Variants in FBXO45 observed in about 807,000 individuals in gnomAD.
FBXO45 encodes F-box protein 45, also known as F-box/SPRY domain-containing protein 1.
FBXO45 carries 3 observed loss-of-function variants against 25.5 expected under a neutral mutation model. The ratio of observed to expected loss-of-function variants is 0.12; its 90% CI spans 0.05 to 0.30. The LOEUF (loss-of-function observed/expected upper bound fraction) is 0.30, where lower values mean the gene tolerates loss of function less well. Among genes scored for constraint, FBXO45 ranks in the 10% least tolerant of loss-of-function variants. The pLI is 1.00. For synonymous variants in FBXO45, 155 were observed against 149.8 expected (o/e 1.03, Z -0.25); for missense variants, 219 against 365.0 (o/e 0.60, Z 3.26).
rs578256903 is a variant in FBXO45 at position 196,586,614 on chromosome 3, C to A, written c.*2296C>A. On this transcript the variant is annotated 3_prime_UTR_variant, in exon 3 of 3. Transcript: ENST00000311630. ...GCTCAAGGAGATGGAATATCTTTGT[C>A]ATTGGTGCTGAGGAGAGCATTTCGG... 3.3e-5 allele frequency: 5 copies of A among 152,180 alleles called. No individual in the cohort carries two copies. The highest frequency in any genetic ancestry group is 5.9e-5 in the Non-Finnish European group (4 of 68,042). The allele number at this position is 152,180 out of a possible 1,614,324, so 9.4% of individuals were successfully genotyped here.
chr3:196,576,385 T>A (rs1288347945), intron 1 of FBXO45, among the ~76,000 whole-genome samples: 1 of 152,118 alleles, frequency 6.6e-6, no homozygotes, highest in African/African-American at 2.4e-5. Flanking sequence ...AGGGATTTTT[T>A]AAAAACATAC....
intron 2 of FBXO45, among the ~76,000 whole-genome samples, chr3:196,581,486 C>T (rs2108728764): frequency 6.6e-6 from 1 of 152,140 alleles, no homozygotes; most frequent in East Asian, 1.9e-4. Flanking sequence ...GCCTCGGCCT[C>T]CCAAAGTGAA....
chr3:196,571,413 A>G (rs531663258), intron 1 of FBXO45, among the ~76,000 whole-genome samples: 5 of 151,944 alleles, frequency 3.3e-5, no homozygotes, highest in Non-Finnish European at 7.4e-5. Flanking sequence ...TTTTAGAGAC[A>G]CGGGGTCTCA....
Position 196,569,861 on chromosome 3 carries a change from C to A in FBXO45, c.318+559C>A, listed in dbSNP as rs1286869789. On this transcript the variant is annotated intron_variant, in intron 1 of 2. Coordinates refer to ENST00000311630, the MANE Select transcript of FBXO45 (RefSeq NM_001105573.2). This position sits in a 1 kb window ranked among gnomAD's most constrained non-coding sequence, Gnocchi z 4.1. ...TAGTTCTAGTCATCCTGCTCACTTA[C>A]AAGATACAGGCTTTTATAGAACGTC... Among the ~76,000 whole-genome samples the A allele has an allele frequency of 6.6e-6, 1 of 152,316 alleles. No individual in the cohort carries two copies. The highest frequency in any genetic ancestry group is 2.1e-4 in the South Asian group (1 of 4,826).
At chr3:196,577,155 T>C (rs1175451373) in intron 1 of FBXO45, among the ~76,000 whole-genome samples, 1 of 152,230 alleles carries the variant, frequency 6.6e-6, no homozygotes, top group Non-Finnish European at 1.5e-5. Context: ...TTCAGTATTA[T>C]CTGTAAGATA....
At position 196,569,066 on chromosome 3, in the gene FBXO45, T is replaced by C; in HGVS notation, c.82T>C (p.Ser28Pro). 1 of 1,315,188 alleles carries C rather than the reference T, an allele frequency of 7.6e-7. No individual in the cohort carries two copies. The highest frequency in any genetic ancestry group is 9.9e-7 in the Non-Finnish European group (1 of 1,013,874). The allele number at this position is 1,315,188 out of a possible 1,614,324, so 81.5% of individuals were successfully genotyped here. ...CGGCGGCGCGGGCGCGGGCGCGGGC[T>C]CGGGCTCTGGGGCCGCGGGGGCCGG... Reference protein sequence around the residue: ...SGGGAGAGAGSGSGAAGAGGR... With the variant: ...SGGGAGAGAGPGSGAAGAGGR... The change falls in exon 1 of 3, where the codon TCG becomes CCG. Residue 28 changes from serine (S) to proline (P), a missense_variant. This residue lies in a region of FBXO45 where 138 missense variants were observed against 157.3 expected (regional missense o/e 0.88). Coordinates refer to ENST00000311630, the MANE Select transcript of FBXO45 (RefSeq NM_001105573.2). The surrounding 1 kb of genome is among the most constrained non-coding windows in gnomAD (Gnocchi z 4.1).
chr3:196,575,103 A>G (rs1221563323), intron 1 of FBXO45, among the ~76,000 whole-genome samples: 1 of 152,204 alleles, frequency 6.6e-6, no homozygotes, highest in African/African-American at 2.4e-5. Flanking sequence ...AAGGGTGGTC[A>G]CCAAAAAAGG....
At position 196,587,555 on chromosome 3, in the gene FBXO45, CT is replaced by C. The variant is rs1443037414; in HGVS notation, c.*3241del. 6.6e-6 allele frequency: 1 copy of C among 152,126 alleles called. No individual in the cohort carries two copies. Among genetic ancestry groups the C allele is most frequent in the African/African-American group, 2.4e-5 (1 of 41,428 alleles). 9.4% of individuals were successfully genotyped at this position (152,126 alleles called of 1,614,324 possible). A position where few individuals can be genotyped will look rare whatever the true frequency, so the allele number is the denominator to read the frequency against. On this transcript the variant is annotated 3_prime_UTR_variant, in exon 3 of 3. Coordinates refer to ENST00000311630, the MANE Select transcript of FBXO45 (RefSeq NM_001105573.2). ...AAAGAAACTACTACTGTATAATGAA[CT>C]TTTGTTTGTTTTTGGAGACAGGGTT...
Position 196,581,223 on chromosome 3 carries a change from C to CTTTTTTTTTTTTTTTTTTTTTTTTTT in FBXO45, c.676-2907_676-2882dup, listed in dbSNP as rs33962634. ...TAGAATTTCCTTTTTTTTCTTTTTC[C>CTTTTTTTTTTTTTTTTTTTTTTTTTT]TTTTTTTTTTTTTTTTTTTTTTTTT... is the stretch of plus-strand genomic sequence containing the variant. On this transcript the variant is annotated intron_variant, in intron 2 of 2. Coordinates refer to ENST00000311630, the MANE Select transcript of FBXO45 (RefSeq NM_001105573.2). 1.1e-4 allele frequency among the ~76,000 whole-genome samples: 7 copies of CTTTTTTTTTTTTTTTTTTTTTTTTTT among 63,676 alleles called. 1 individual carries two copies. The highest frequency in any genetic ancestry group is 1.3e-4 in the Non-Finnish European group (5 of 37,534). 41.8% of individuals were successfully genotyped at this position (63,676 alleles called of 152,430 possible). A position where few individuals can be genotyped will look rare whatever the true frequency, so the allele number is the denominator to read the frequency against.
chr3:196,576,743 A>G (rs6583321), intron 1 of FBXO45, among the ~76,000 whole-genome samples: 4,113 of 152,290 alleles, frequency 0.027, 153 homozygotes, highest in African/African-American at 0.083. Flanking sequence ...ATGCTATCTA[A>G]GGGATTATTT....
In FBXO45 at chr3:196,568,842, G is replaced by C. The variant is rs1206711434; in HGVS notation, c.-143G>C. On this transcript the variant is annotated 5_prime_UTR_variant, in exon 1 of 3. Transcript: ENST00000311630. ...GCGGCGGACGCCCCCGGGCAGGGGC[G>C]GGAGTGGTGGAGGCGCCGGCGGTTG... 1 of 503,412 alleles carries C rather than the reference G, an allele frequency of 2.0e-6. No individual in the cohort carries two copies. Among genetic ancestry groups the C allele is most frequent in the Non-Finnish European group, 2.6e-6 (1 of 389,192 alleles). 31.2% of individuals were successfully genotyped at this position (503,412 alleles called of 1,614,324 possible).
rs1735716303 is a variant in FBXO45 at position 196,569,050 on chromosome 3, G to T, written c.66G>T (p.Ala22=). 8.9e-7 allele frequency: 1 copy of T among 1,117,974 alleles called. No homozygotes were observed. The highest frequency in any genetic ancestry group is 1.8e-5 in the African/African-American group (1 of 56,502). The allele number at this position is 1,117,974 out of a possible 1,614,324, so 69.3% of individuals were successfully genotyped here. A position where few individuals can be genotyped will look rare whatever the true frequency, so the allele number is the denominator to read the frequency against. ...SGGAGCSGGG[A]GAGAGSGSGA... ...GCGCTGGCTGTAGCGGCGGCGGCGC[G>T]GGCGCGGGCGCGGGCTCGGGCTCTG... The change falls in exon 1 of 3, where the codon GCG becomes GCT. Residue 22 remains alanine, a synonymous_variant. Transcript: ENST00000311630. The surrounding 1 kb of genome is among the most constrained non-coding windows in gnomAD (Gnocchi z 4.1).
rs1408120502 is a variant in FBXO45 at position 196,569,314 on chromosome 3, C to A, written c.318+12C>A. ...GCTACAAGGCCAAGGTGAGAGAGCC[C>A]CGGGCCACACCGCTGCCCCCAGTCC... On this transcript the variant is annotated intron_variant, in intron 1 of 2. Transcript: ENST00000311630. This position sits in a 1 kb window ranked among gnomAD's most constrained non-coding sequence, Gnocchi z 4.1. 4 of 1,511,730 alleles carry A rather than the reference C, an allele frequency of 2.6e-6. No homozygotes were observed. In the South Asian group the frequency reaches 5.0e-5, roughly 19 times the overall value. 93.6% of individuals were successfully genotyped at this position (1,511,730 alleles called of 1,614,324 possible).
In FBXO45 at chr3:196,579,229, A is replaced by G. The variant is rs929559460; in HGVS notation, c.675+1420A>G. On this transcript the variant is annotated intron_variant, in intron 2 of 2. Transcript: ENST00000311630. ...AAATTGGAAGTCTTTAAAGAACTAT[A>G]GATTGCATATTTCAGAGCCACCTGT... 2.0e-5 allele frequency among the ~76,000 whole-genome samples: 3 copies of G among 152,394 alleles called. No individual in the cohort carries two copies. In the South Asian group the frequency reaches 6.2e-4, roughly 32 times the overall value.
At chr3:196,580,305 C>T (rs939153511) in intron 2 of FBXO45, among the ~76,000 whole-genome samples, 5 of 151,926 alleles carry the variant, frequency 3.3e-5, no homozygotes, top group Non-Finnish European at 5.9e-5. Context: ...TCCCGGGTCC[C>T]GGTTCAAGCA....
At chr3:196,577,837 T>C (rs771234637) in intron 2 of FBXO45, 28 bp downstream of exon 2, 3 of 1,424,260 alleles carry the variant, frequency 2.1e-6, no homozygotes, top group Non-Finnish European at 2.8e-6. Flanking sequence ...TTCTCAAGTA[T>C]GGGCCTTTGT....
chr3:196,572,780 A>G (rs920256480), intron 1 of FBXO45, among the ~76,000 whole-genome samples: 18 of 152,208 alleles, frequency 1.2e-4, no homozygotes, highest in African/African-American at 3.9e-4. Flanking sequence ...CAATTAGGAA[A>G]TAGGTAGTGG....
Position 196,584,129 on chromosome 3 carries a change from G to T in FBXO45, c.676-4G>T, listed in dbSNP as rs1736063598. On this transcript the variant is annotated splice_region_variant and splice_polypyrimidine_tract_variant and intron_variant, in intron 2 of 2. Transcript: ENST00000311630. The surrounding 1 kb of genome is among the most constrained non-coding windows in gnomAD (Gnocchi z 4.3). ...TCTTCTAACCTTTTGATATCTGTTTGCAGATAGGAGAAAGAATTCGAGTCA... is the reference window on the plus strand; with the variant it reads ...TCTTCTAACCTTTTGATATCTGTTTTCAGATAGGAGAAAGAATTCGAGTCA... 2 of 1,612,892 alleles carry T rather than the reference G, an allele frequency of 1.2e-6. No homozygotes were observed. Among genetic ancestry groups the T allele is most frequent in the African/African-American group, 2.7e-5 (2 of 74,824 alleles).
chr3:196,577,321 T>G (rs1735932456), intron 1 of FBXO45, 132 bp from the exon 2 acceptor site: 2 of 664,996 alleles, frequency 3.0e-6, no homozygotes, highest in African/African-American at 1.8e-5. Context: ...CAGCCATTAT[T>G]TGGAAATACT....
Sources: gnomAD v4.1 joint callset for allele counts (sites outside exome capture counted in the v4.1 genomes callset) on GRCh38, gnomAD v4.1.1 for gene constraint, gnomAD v4.1.1 regional missense constraint, Gnocchi (gnomAD v3.1) non-coding constraint, MANE v1.5 for transcripts, NCBI Gene and HGNC (gene_info 2026-07-23, HGNC 2026-07-21) for gene names.